Variants in BACH2 observed in about 807,000 individuals in gnomAD.
BACH2 encodes transcription regulator protein BACH2.
A neutral mutation model predicts 61.8 loss-of-function variants in BACH2; 5 were observed. That is an observed-to-expected ratio of 0.08 (90% CI 0.04 to 0.17). The LOEUF (loss-of-function observed/expected upper bound fraction) is 0.17. Ranked by LOEUF, BACH2 falls within the 10% of genes least tolerant of loss-of-function variation. The pLI, the probability that BACH2 is intolerant of heterozygous loss-of-function variation, is 1.00. For missense variants in BACH2, 824 were observed against 1,091.1 expected (o/e 0.76, Z 3.45); for synonymous variants, 446 against 440.1 (o/e 1.01, Z -0.17).
intron 3 of BACH2, among the ~76,000 whole-genome samples, chr6:90,243,266 T>G (rs954801037): frequency 3.8e-4 from 58 of 152,140 alleles, no homozygotes; most frequent in African/African-American, 1.3e-3. Context: ...TTAAAAATCC[T>G]TTACAGTCAT....
At chr6:90,034,097 G>A (rs1253983569) in intron 5 of BACH2, among the ~76,000 whole-genome samples, 1 of 152,106 alleles carries the variant, frequency 6.6e-6, no homozygotes, top group Non-Finnish European at 1.5e-5. Context: ...GAAGGAAATG[G>A]CTGTTATTCT....
At chr6:90,095,036 G>A (rs889376956) in intron 4 of BACH2, among the ~76,000 whole-genome samples, 1 of 152,120 alleles carries the variant, frequency 6.6e-6, no homozygotes, top group Non-Finnish European at 1.5e-5. Context: ...CTGGTTCCAG[G>A]CTATATAAAA....
At chr6:90,230,914 G>C (rs576176654) in intron 3 of BACH2, among the ~76,000 whole-genome samples, 1 of 152,296 alleles carries the variant, frequency 6.6e-6, no homozygotes, top group East Asian at 1.9e-4. Context: ...ATCATCCCTG[G>C]TGAGAAGCAT....
intron 4 of BACH2, among the ~76,000 whole-genome samples, chr6:90,095,266 T>A (rs539853429): frequency 1.1e-4 from 16 of 152,100 alleles, no homozygotes; most frequent in Non-Finnish European, 2.2e-4. Flanking sequence ...TCAAACAGAA[T>A]TTAAACAGAC....
chr6:90,033,910 T>C (rs4141550), intron 5 of BACH2, among the ~76,000 whole-genome samples: 64,549 of 151,988 alleles, frequency 0.42, 15,857 homozygotes, highest in East Asian at 0.82. Context: ...AAAGAGACAC[T>C]AGGAATTCTT....
chr6:90,040,053 G>T (rs1484506299), intron 5 of BACH2, among the ~76,000 whole-genome samples: 1 of 150,360 alleles, frequency 6.7e-6, no homozygotes. Flanking sequence ...GTGGTTTATG[G>T]TGGTATTTGC....
At chr6:90,039,473 G>A (rs984032896) in intron 5 of BACH2, among the ~76,000 whole-genome samples, 18 of 151,988 alleles carry the variant, frequency 1.2e-4, no homozygotes, top group Admixed American at 6.6e-4. Context: ...CAATGTCCGC[G>A]TCCCAGGTTC....
At chr6:90,025,374 C>T (rs762494214) in intron 5 of BACH2, among the ~76,000 whole-genome samples, 1 of 152,204 alleles carries the variant, frequency 6.6e-6, no homozygotes, top group Non-Finnish European at 1.5e-5. Flanking sequence ...TCATTTTCTA[C>T]TCTTGGCAAG....
intron 4 of BACH2, among the ~76,000 whole-genome samples, chr6:90,154,496 C>T (rs545451389): frequency 4.6e-5 from 7 of 152,270 alleles, no homozygotes; most frequent in African/African-American, 1.7e-4. Context: ...CTCAAGGCCA[C>T]TCTATACTAG....
At chr6:90,286,372 T>G (rs1772016641) in intron 1 of BACH2, among the ~76,000 whole-genome samples, 1 of 152,170 alleles carries the variant, frequency 6.6e-6, no homozygotes, top group African/African-American at 2.4e-5. Flanking sequence ...TGCCTCTCAT[T>G]CATCTATGTT....
chr6:90,163,032 T>G (rs1227604750), intron 4 of BACH2, among the ~76,000 whole-genome samples: 1 of 152,232 alleles, frequency 6.6e-6, no homozygotes, highest in Non-Finnish European at 1.5e-5. Context: ...TTATTTTTCC[T>G]AAGTGTACCC....
At chr6:89,948,369 G>A (rs1773873058) in intron 7 of BACH2, among the ~76,000 whole-genome samples, 1 of 151,974 alleles carries the variant, frequency 6.6e-6, no homozygotes, top group Admixed American at 6.6e-5. Context: ...ACCACGCCTG[G>A]CTATTTTTTT....
intron 6 of BACH2, among the ~76,000 whole-genome samples, chr6:89,979,806 A>C (rs931810895): frequency 6.6e-6 from 1 of 152,234 alleles, no homozygotes; most frequent in African/African-American, 2.4e-5. Flanking sequence ...TCTGGGTTCA[A>C]ACTAATTTCT....
At chr6:90,105,838 C>T (rs1782879326) in intron 4 of BACH2, among the ~76,000 whole-genome samples, 1 of 152,074 alleles carries the variant, frequency 6.6e-6, no homozygotes, top group African/African-American at 2.4e-5. Context: ...AATTTTTAGA[C>T]CTTAAATTTT....
chr6:90,221,675 G>A (rs1769738952), intron 3 of BACH2, among the ~76,000 whole-genome samples: 1 of 152,088 alleles, frequency 6.6e-6, no homozygotes, highest in South Asian at 2.1e-4. Flanking sequence ...TGAGGAAATA[G>A]GGCGTGACAT....
At chr6:90,233,266 G>A (rs1770156364) in intron 3 of BACH2, among the ~76,000 whole-genome samples, 1 of 152,148 alleles carries the variant, frequency 6.6e-6, no homozygotes, top group Admixed American at 6.5e-5. Context: ...AGTTCCCTGT[G>A]GTAAAGTATT....
intron 5 of BACH2, among the ~76,000 whole-genome samples, chr6:90,057,774 C>T (rs1449535834): frequency 3.9e-5 from 6 of 152,176 alleles, no homozygotes; most frequent in East Asian, 1.9e-4. Context: ...AGCTTATCCA[C>T]CATGATCAAG....
chr6:89,990,679 C>T (rs1268667942), intron 6 of BACH2, among the ~76,000 whole-genome samples: 1 of 151,702 alleles, frequency 6.6e-6, no homozygotes, highest in Non-Finnish European at 1.5e-5. Context: ...ATGTCACCTT[C>T]TCACTGAGCC....
chr6:90,272,581 GAAAA>G (rs1771560272), intron 1 of BACH2, among the ~76,000 whole-genome samples: 1 of 152,230 alleles, frequency 6.6e-6, no homozygotes, highest in East Asian at 1.9e-4. Context: ...TACTGCTGTG[GAAAA>G]ATGAGCTTGT....
Sources: gnomAD v4.1 joint callset for allele counts (sites outside exome capture counted in the v4.1 genomes callset) on GRCh38, gnomAD v4.1.1 for gene constraint, MANE v1.5 for transcripts, NCBI Gene and HGNC (gene_info 2026-07-23, HGNC 2026-07-21) for gene names.